The following EPHA5 variants were observed in gnomAD, a reference collection of about 807,000 sequenced individuals.
EPHA5 encodes the protein ephrin type-A receptor 5.
A neutral mutation model predicts 105.0 loss-of-function variants in EPHA5; 60 were observed. The ratio of observed to expected loss-of-function variants is 0.57; its 90% CI spans 0.46 to 0.71. EPHA5 has a LOEUF of 0.71. EPHA5 is among the 30% of genes least tolerant of loss of function. The pLI is 0.00. For synonymous variants in EPHA5, 513 were observed against 449.1 expected (o/e 1.14, Z -1.80); for missense variants, 1,218 against 1,274.7 (o/e 0.96, Z 0.68).
chr4:65,330,306 A>G (rs1720484886), intron 16 of EPHA5, among the ~76,000 whole-genome samples: 1 of 151,462 alleles, frequency 6.6e-6, no homozygotes, highest in Admixed American at 6.6e-5. Flanking sequence ...AAAACTAAAG[A>G]GCATTTGGGG....
chr4:65,344,105 T>C (rs779647424), intron 14 of EPHA5, among the ~76,000 whole-genome samples: 1 of 152,216 alleles, frequency 6.6e-6, no homozygotes, highest in Non-Finnish European at 1.5e-5. Flanking sequence ...CACTTATCTA[T>C]GCAACTTTGT....
intron 3 of EPHA5, chr4:65,573,431 A>AAG: frequency 9.4e-7 from 1 of 1,065,818 alleles, no homozygotes; most frequent in Non-Finnish European, 1.3e-6. Flanking sequence ...AAAAAAAAAA[A>AAG]AAAAGAAGCT....
In EPHA5 at chr4:65,566,998, T is replaced by C. The variant is rs1415461141; in HGVS notation, c.910+34643A>G. ...TACTTAATATAAAAGAACTATACAC[T>C]ATCTGACTACACACACCCATATACA... is the stretch of plus-strand genomic sequence containing the variant. On this transcript the variant is annotated intron_variant, in intron 3 of 16. Coordinates refer to ENST00000613740, the MANE Select transcript of EPHA5 (RefSeq NM_001281766.3). Among the ~76,000 whole-genome samples, 5 of 151,614 alleles carry C rather than the reference T, an allele frequency of 3.3e-5. No individual in the cohort carries two copies. In the East Asian group the frequency reaches 9.6e-4, roughly 29 times the overall value.
At chr4:65,378,596 A>G (rs1287610231) in intron 8 of EPHA5, among the ~76,000 whole-genome samples, 2 of 151,886 alleles carry the variant, frequency 1.3e-5, no homozygotes, top group Non-Finnish European at 2.9e-5. Flanking sequence ...TTATTGGAAC[A>G]CTCACTGCTT....
In EPHA5 at chr4:65,594,214, T is replaced by TG. The variant is rs573888942; in HGVS notation, c.910+7426_910+7427insC. On this transcript the variant is annotated intron_variant, in intron 3 of 16. Transcript: ENST00000613740. ...AATTAAAATCTTCTCCTGATAATTA[T>TG]CATGTTATAAAAATGTATTATAATA... 1.8e-3 allele frequency among the ~76,000 whole-genome samples: 267 copies of TG among 152,294 alleles called. 3 individuals carry two copies. In the Middle Eastern group the frequency reaches 0.02, roughly 12 times the overall value.
chr4:65,609,288 T>C (rs1744532510), intron 2 of EPHA5, among the ~76,000 whole-genome samples: 1 of 152,202 alleles, frequency 6.6e-6, no homozygotes, highest in Admixed American at 6.5e-5. Flanking sequence ...CTCAATATTA[T>C]GTTAGTGGGA....
In EPHA5 at chr4:65,568,536, C is replaced by T. The variant is rs112647604; in HGVS notation, c.910+33105G>A. 4.4e-3 allele frequency among the ~76,000 whole-genome samples: 663 copies of T among 150,910 alleles called. 4 individuals are homozygous for T. The highest frequency in any genetic ancestry group is 0.014 in the African/African-American group (587 of 41,374). On this transcript the variant is annotated intron_variant, in intron 3 of 16. Transcript: ENST00000613740. ...AATTTTTATTAATAATTAACAACAA[C>T]GCATCCCTTTTTTTTAAACATGTAA...
intron 14 of EPHA5, among the ~76,000 whole-genome samples, chr4:65,339,425 C>G (rs1439091098): frequency 2.6e-5 from 4 of 152,050 alleles, no homozygotes; most frequent in African/African-American, 9.7e-5. Context: ...TAAGTCCTCA[C>G]TTAATATCAT....
intron 2 of EPHA5, among the ~76,000 whole-genome samples, chr4:65,635,103 A>G (rs1242227059): frequency 2.0e-5 from 3 of 152,064 alleles, no homozygotes; most frequent in African/African-American, 7.2e-5. Context: ...GTCCATTTTG[A>G]GTAAAAACCT....
intron 14 of EPHA5, among the ~76,000 whole-genome samples, chr4:65,343,694 G>T (rs1173339541): frequency 6.6e-6 from 1 of 152,106 alleles, no homozygotes; most frequent in Non-Finnish European, 1.5e-5. Flanking sequence ...TGCTGTATCT[G>T]AAAACTAAAA....
intron 1 of EPHA5, among the ~76,000 whole-genome samples, chr4:65,647,637 G>A (rs546599389): frequency 1.3e-5 from 2 of 152,134 alleles, no homozygotes; most frequent in Middle Eastern, 6.8e-3. Context: ...AGTTACTCTA[G>A]AAGACATTAG....
intron 3 of EPHA5, among the ~76,000 whole-genome samples, chr4:65,541,639 C>T (rs530643780): frequency 6.6e-6 from 1 of 152,084 alleles, no homozygotes; most frequent in East Asian, 1.9e-4. Context: ...TAGACTCCCA[C>T]ATGATAACAG....
At chr4:65,574,983 A>G (rs1172588439) in intron 3 of EPHA5, among the ~76,000 whole-genome samples, 2 of 151,836 alleles carry the variant, frequency 1.3e-5, no homozygotes, top group African/African-American at 4.8e-5. Context: ...TACAGTGAGG[A>G]GGCTGGTACA....
At chr4:65,596,853 T>C (rs1298096697) in intron 3 of EPHA5, among the ~76,000 whole-genome samples, 1 of 152,344 alleles carries the variant, frequency 6.6e-6, no homozygotes, top group Non-Finnish European at 1.5e-5. Flanking sequence ...TTGATGTTTT[T>C]TGGTAATGTC....
At chr4:65,487,312 TG>T (rs1178233391) in intron 5 of EPHA5, among the ~76,000 whole-genome samples, 2 of 151,534 alleles carry the variant, frequency 1.3e-5, no homozygotes, top group Admixed American at 6.6e-5. Flanking sequence ...GAACTAACTT[TG>T]GGGGGAATTT....
chr4:65,432,284 G>C (rs962837604), intron 5 of EPHA5, among the ~76,000 whole-genome samples: 1 of 152,116 alleles, frequency 6.6e-6, no homozygotes, highest in Admixed American at 6.6e-5. Flanking sequence ...AGTAATGGCT[G>C]TATAGAATTG....
At chr4:65,465,212 C>T (rs974630255) in intron 5 of EPHA5, among the ~76,000 whole-genome samples, 3 of 151,782 alleles carry the variant, frequency 2.0e-5, no homozygotes, top group Admixed American at 6.6e-5. Context: ...CAGAAGCAGG[C>T]GGTTCACAGG....
chr4:65,636,530 C>A (rs1310169131), intron 2 of EPHA5, among the ~76,000 whole-genome samples: 1 of 150,242 alleles, frequency 6.7e-6, no homozygotes, highest in African/African-American at 2.5e-5. Context: ...TTTTTTTTTT[C>A]ATCTACAAAC....
intron 3 of EPHA5, among the ~76,000 whole-genome samples, chr4:65,552,717 C>T (rs1422926767): frequency 1.3e-5 from 2 of 152,126 alleles, no homozygotes; most frequent in African/African-American, 4.8e-5. Flanking sequence ...TAAAAAATAT[C>T]AATCATGTTC....
Sources: allele counts gnomAD v4.1 joint callset (sites outside exome capture counted in the v4.1 genomes callset), GRCh38; gene constraint gnomAD v4.1.1; transcripts MANE v1.5; gene names NCBI Gene and HGNC (gene_info 2026-07-23, HGNC 2026-07-21).